The following SNX6 variants were observed in gnomAD, a reference collection of about 807,000 sequenced individuals.
The protein encoded by SNX6 is sorting nexin 6.
In SNX6, 34 loss-of-function variants were observed where a neutral mutation model predicts 63.0. The ratio of observed to expected loss-of-function variants is 0.54; its 90% CI spans 0.41 to 0.72. The LOEUF (loss-of-function observed/expected upper bound fraction) is 0.72. Among genes scored for constraint, SNX6 ranks in the 30% least tolerant of loss-of-function variants. The pLI, the probability that SNX6 is intolerant of heterozygous loss-of-function variation, is 0.00. For missense variants in SNX6, 398 were observed against 471.4 expected (o/e 0.84, Z 1.44); for synonymous variants, 170 against 164.2 (o/e 1.04, Z -0.27).
At chr14:34,606,001 C>G (rs1270562259) in intron 4 of SNX6, among the ~76,000 whole-genome samples, 1 of 151,602 alleles carries the variant, frequency 6.6e-6, no homozygotes, top group African/African-American at 2.4e-5. Flanking sequence ...TGATAAAATC[C>G]CGTCTCTACC....
rs1014637976 is a variant in SNX6, at chr14:34,630,093, G to C, written c.6+18C>G. On this transcript the variant is annotated intron_variant, in intron 1 of 13. Transcript: ENST00000362031. Reference sequence around the variant, plus strand: ...CCCCACCGCGCTCCCGGGACTCGGCGCCGCGGAGAACACCCACCATCATGG... The same window carrying C: ...CCCCACCGCGCTCCCGGGACTCGGCCCCGCGGAGAACACCCACCATCATGG... 6.9e-7 allele frequency: 1 copy of C among 1,448,356 alleles called. No homozygotes were observed. Among genetic ancestry groups the C allele is most frequent in the African/African-American group, 1.5e-5 (1 of 66,514 alleles). 89.7% of individuals were successfully genotyped at this position (1,448,356 alleles called of 1,614,324 possible). A position where few individuals can be genotyped will look rare whatever the true frequency, so the allele number is the denominator to read the frequency against.
rs1295119570 is a variant in SNX6 at position 34,585,630 on chromosome 14, T to C, written c.794+600A>G. ...TATATATTTTTTGAGATAGTCTTGC[T>C]CTGTCACCAGGCTGGAGTGCAGCAG... is the stretch of plus-strand genomic sequence containing the variant. On this transcript the variant is annotated intron_variant, in intron 9 of 13. Coordinates refer to ENST00000362031, the MANE Select transcript of SNX6 (RefSeq NM_152233.4). Among the ~76,000 whole-genome samples the C allele has an allele frequency of 5.9e-5, 9 of 152,188 alleles. No homozygotes were observed. In the East Asian group the frequency reaches 1.3e-3, roughly 23 times the overall value.
intron 2 of SNX6, among the ~76,000 whole-genome samples, chr14:34,624,924 C>T (rs548709995): frequency 4.4e-4 from 67 of 152,182 alleles, no homozygotes; most frequent in Non-Finnish European, 4.4e-5. Context: ...CAAAATTCCC[C>T]TTTCTTTTCG....
intron 2 of SNX6, among the ~76,000 whole-genome samples, chr14:34,615,850 A>AC (rs972197335): frequency 2.6e-5 from 4 of 151,588 alleles, no homozygotes; most frequent in African/African-American, 9.7e-5. Flanking sequence ...AAATAAAATC[A>AC]CCCCCCACCA....
At chr14:34,576,024 C>G (rs555465604) in intron 10 of SNX6, among the ~76,000 whole-genome samples, 182 bp from the exon 11 acceptor site, 1 of 150,732 alleles carries the variant, frequency 6.6e-6, no homozygotes, top group East Asian at 2.0e-4. Context: ...CCTGGGTTCA[C>G]GCCATTCTCC....
intron 2 of SNX6, among the ~76,000 whole-genome samples, chr14:34,610,480 G>T (rs745876053): frequency 3.3e-5 from 5 of 149,660 alleles, no homozygotes; most frequent in African/African-American, 5.0e-5. Context: ...ACAATAATAA[G>T]AAGACTATCA....
intron 9 of SNX6, among the ~76,000 whole-genome samples, chr14:34,583,867 G>A (rs1350404405): frequency 1.1e-4 from 8 of 72,768 alleles, no homozygotes; most frequent in African/African-American, 3.1e-4. Flanking sequence ...TTTTTTTTAA[G>A]ACGGAGTTTC....
At chr14:34,624,933 C>A (rs568621624) in intron 2 of SNX6, among the ~76,000 whole-genome samples, 1 of 152,034 alleles carries the variant, frequency 6.6e-6, no homozygotes, top group East Asian at 1.9e-4. Flanking sequence ...CCTTTCTTTT[C>A]GAGACAGAGT....
At chr14:34,605,102 T>C (rs1007973498) in intron 5 of SNX6, among the ~76,000 whole-genome samples, 40 of 152,158 alleles carry the variant, frequency 2.6e-4, no homozygotes, top group African/African-American at 9.7e-4. Context: ...ACTACATACA[T>C]ACGCAGTTTT....
At chr14:34,570,061 G>T (rs1003175087) in intron 11 of SNX6, among the ~76,000 whole-genome samples, 2 of 149,126 alleles carry the variant, frequency 1.3e-5, no homozygotes, top group Non-Finnish European at 3.0e-5. Context: ...GTTTTTTTGG[G>T]GTTTTTTTTT....
intron 2 of SNX6, among the ~76,000 whole-genome samples, chr14:34,618,233 A>C (rs1391645707): frequency 6.6e-6 from 1 of 152,212 alleles, no homozygotes; most frequent in African/African-American, 2.4e-5. Context: ...AAATCTAAGG[A>C]GTTTCCACTT....
At chr14:34,594,265 A>G (rs2035165479) in intron 7 of SNX6, among the ~76,000 whole-genome samples, 1 of 151,680 alleles carries the variant, frequency 6.6e-6, no homozygotes, top group African/African-American at 2.4e-5. Flanking sequence ...GAACCTGACC[A>G]AACTATCTGA....
At chr14:34,586,337 C>T in intron 8 of SNX6, 32 bp from the exon 9 acceptor site, 5 of 1,373,426 alleles carry the variant, frequency 3.6e-6, no homozygotes, top group Non-Finnish European at 5.2e-6. Flanking sequence ...TTTAGTATAC[C>T]TATTCATAGA....
At chr14:34,582,130 ATTTTTT>A (rs1289997311) in intron 9 of SNX6, among the ~76,000 whole-genome samples, 1 of 115,406 alleles carries the variant, frequency 8.7e-6, no homozygotes, top group Non-Finnish European at 1.8e-5. Context: ...CCCGGCCCTG[ATTTTTT>A]TTTTTTTTTT....
Position 34,563,005 on chromosome 14 carries a change from A to C in SNX6, c.*117T>G, listed in dbSNP as rs950109656. On this transcript the variant is annotated 3_prime_UTR_variant, in exon 14 of 14. Coordinates refer to ENST00000362031, the MANE Select transcript of SNX6 (RefSeq NM_152233.4). ...TTCTCAGAAAAAGAGGAGTTGATGC[A>C]CTTTTTCAGCTGCTTTTTGTTTGTT... 2 of 1,033,400 alleles carry C rather than the reference A, an allele frequency of 1.9e-6. No homozygotes were observed. Among genetic ancestry groups the C allele is most frequent in the Non-Finnish European group, 2.9e-6 (2 of 681,644 alleles). 64.0% of individuals were successfully genotyped at this position (1,033,400 alleles called of 1,614,324 possible).
At chr14:34,613,438 A>G (rs1327243712) in intron 2 of SNX6, among the ~76,000 whole-genome samples, 5 of 152,210 alleles carry the variant, frequency 3.3e-5, no homozygotes, top group Non-Finnish European at 7.3e-5. Context: ...TGAGGTTTTC[A>G]TTGCTTAGTC....
At chr14:34,572,463 GTAAA>G (rs754644773) in intron 11 of SNX6, among the ~76,000 whole-genome samples, 1 of 152,040 alleles carries the variant, frequency 6.6e-6, no homozygotes, top group Non-Finnish European at 1.5e-5. Flanking sequence ...CCCATCCAAT[GTAAA>G]TAGTTTATAA....
intron 8 of SNX6, among the ~76,000 whole-genome samples, chr14:34,591,750 T>G (rs1416475710): frequency 1.3e-5 from 2 of 152,230 alleles, no homozygotes; most frequent in South Asian, 2.1e-4. Context: ...AATACTACCT[T>G]TGTTTTCCTT....
chr14:34,592,453 C>A (rs1470162768), intron 8 of SNX6, among the ~76,000 whole-genome samples: 5 of 152,144 alleles, frequency 3.3e-5, no homozygotes, highest in African/African-American at 1.2e-4. Flanking sequence ...TTTGTTGCCA[C>A]TGACTTGATT....
Sources: allele counts gnomAD v4.1 joint callset (sites outside exome capture counted in the v4.1 genomes callset), GRCh38; gene constraint gnomAD v4.1.1; transcripts MANE v1.5; gene names NCBI Gene and HGNC (gene_info 2026-07-23, HGNC 2026-07-21).